TSTD2: variants seen among roughly 807,000 people sequenced by gnomAD.
The protein encoded by TSTD2 is thiosulfate sulfurtransferase/rhodanese-like domain-containing protein 2.
Under a neutral mutation model 47.9 loss-of-function variants are expected in TSTD2, and 37 were observed. The ratio of observed to expected loss-of-function variants is 0.77; its 90% CI spans 0.59 to 1.02. The LOEUF is 1.02. TSTD2 is among the 50% of genes least tolerant of loss of function. TSTD2 has a pLI of 0.00. For missense variants in TSTD2, 586 were observed against 616.0 expected, an observed-to-expected ratio of 0.95 and a Z score of 0.52; for synonymous variants, 201 against 215.9, an observed-to-expected ratio of 0.93 and a Z score of 0.61.
intron 1 of TSTD2, among the ~76,000 whole-genome samples, chr9:97,632,959 G>GAC (rs1416689643): frequency 6.6e-6 from 1 of 152,218 alleles, no homozygotes; most frequent in African/African-American, 2.4e-5. Flanking sequence ...CAGGGGAGGG[G>GAC]ACGCTCACAC....
chr9:97,600,686 T>TA lies in TSTD2; in HGVS notation c.*1782dup. 1 of 1,001,764 alleles carries TA rather than the reference T, an allele frequency of 1.0e-6. No individual in the cohort carries two copies. Among genetic ancestry groups the TA allele is most frequent in the Non-Finnish European group, 1.2e-6 (1 of 839,930 alleles). 62.1% of individuals were successfully genotyped at this position (1,001,764 alleles called of 1,614,324 possible). A position where few individuals can be genotyped will look rare whatever the true frequency, so the allele number is the denominator to read the frequency against. On this transcript the variant is annotated 3_prime_UTR_variant, in exon 10 of 10. Coordinates refer to ENST00000341170, the MANE Select transcript of TSTD2 (RefSeq NM_139246.5). ...AATTGCTGCTGACCTTACGCCTGTA[T>TA]ATTAAGCCTCCGCAGGATGCCGGAC...
intron 3 of TSTD2, among the ~76,000 whole-genome samples, chr9:97,622,077 A>G (rs1459095708): frequency 6.6e-6 from 1 of 152,084 alleles, no homozygotes; most frequent in East Asian, 1.9e-4. Flanking sequence ...ACTTAGAGAA[A>G]ATAGAAAAGA....
chr9:97,617,810 A>G lies in TSTD2; in HGVS notation c.550T>C (p.Trp184Arg). 6.2e-7 allele frequency: 1 copy of G among 1,614,196 alleles called. No individual in the cohort carries two copies. The highest frequency in any genetic ancestry group is 8.5e-7 in the Non-Finnish European group (1 of 1,180,022). Residue 184 changes from tryptophan (W) to arginine (R), a missense_variant, in exon 4 of 10, where the codon TGG becomes CGG. Trp to Arg is a moderately radical substitution (Grantham distance 101, BLOSUM62 -3). Transcript: ENST00000341170. Reference sequence around the variant, plus strand: ...AGAGCTGTCTGCCAGGCACAGATCCATTGGGGATCCTCCAGGTCATGGTAG... The same window carrying G: ...AGAGCTGTCTGCCAGGCACAGATCCGTTGGGGATCCTCCAGGTCATGGTAG... ...YCYHDLEDPQ[W>R]ICAWQTALCQ...
At chr9:97,607,809 CAGG>C (rs1202911288) in intron 6 of TSTD2, among the ~76,000 whole-genome samples, 2 of 152,034 alleles carry the variant, frequency 1.3e-5, no homozygotes, top group Non-Finnish European at 2.9e-5. Context: ...TAGGCTGAGG[CAGG>C]AGAACTACAC....
At chr9:97,622,313 G>A (rs1055016864) in intron 3 of TSTD2, among the ~76,000 whole-genome samples, 1 of 152,222 alleles carries the variant, frequency 6.6e-6, no homozygotes, top group African/African-American at 2.4e-5. Flanking sequence ...TCCAGGTGGT[G>A]TTGAGCCTGT....
intron 3 of TSTD2, among the ~76,000 whole-genome samples, chr9:97,622,609 C>T (rs1181496337): frequency 6.6e-6 from 1 of 152,256 alleles, no homozygotes; most frequent in Non-Finnish European, 1.5e-5. Context: ...GATGCAGACA[C>T]TCAACCCCAG....
chr9:97,627,127 A>C (rs1217505672), intron 2 of TSTD2, among the ~76,000 whole-genome samples: 1 of 151,938 alleles, frequency 6.6e-6, no homozygotes, highest in Non-Finnish European at 1.5e-5. Flanking sequence ...TTGGTTTTCA[A>C]CTTTGTTTAT....
At chr9:97,616,923 C>A (rs1826552338) in intron 4 of TSTD2, among the ~76,000 whole-genome samples, 1 of 152,200 alleles carries the variant, frequency 6.6e-6, no homozygotes, top group Non-Finnish European at 1.5e-5. Context: ...TATACATGCA[C>A]TTCTGGTTTT....
rs1409236913 is a variant in TSTD2, at chr9:97,601,385, G to C, written c.*1084C>G. 7.6e-6 allele frequency: 8 copies of C among 1,056,156 alleles called. No individual in the cohort carries two copies. Among genetic ancestry groups the C allele is most frequent in the African/African-American group, 1.7e-5 (1 of 58,540 alleles). 65.4% of individuals were successfully genotyped at this position (1,056,156 alleles called of 1,614,324 possible). On this transcript the variant is annotated 3_prime_UTR_variant, in exon 10 of 10. Transcript: ENST00000341170. ...GAATGTGTCATGTATTCCAGGTGCT[G>C]ATCTAAAAACTGTGGCTCAAATGTC...
At position 97,604,791 on chromosome 9, in the gene TSTD2, G is replaced by A. The variant is rs1193757166; in HGVS notation, c.1188C>T (p.Tyr396=). 6.2e-7 allele frequency: 1 copy of A among 1,614,068 alleles called. No individual in the cohort carries two copies. The highest frequency in any genetic ancestry group is 8.5e-7 in the Non-Finnish European group (1 of 1,180,050). Reference sequence around the variant, plus strand: ...CATCAAAAACAAACAACTTCCCTTTGTAAAAGCCATCAGGAAACTCTTCCA... The same window carrying A: ...CATCAAAAACAAACAACTTCCCTTTATAAAAGCCATCAGGAAACTCTTCCA... The part of the protein sequence containing the change: ...KYLEEFPDGF[Y]KGKLFVFDER... Residue 396 remains tyrosine, a synonymous_variant, in exon 9 of 10, where the codon TAC becomes TAT. Transcript: ENST00000341170.
chr9:97,606,274 CA>C lies in TSTD2; in HGVS notation c.836-14del. 4.7e-6 allele frequency: 7 copies of C among 1,501,420 alleles called. No homozygotes were observed. The highest frequency in any genetic ancestry group is 3.6e-6 in the Non-Finnish European group (4 of 1,101,990). 93.0% of individuals were successfully genotyped at this position (1,501,420 alleles called of 1,614,324 possible). ...GATAAATGGATTCCTAAAACCAAAC[CA>C]AAAAAATTATATTAAAACAAAGACA... On this transcript the variant is annotated splice_polypyrimidine_tract_variant and intron_variant, in intron 6 of 9. Transcript: ENST00000341170.
intron 1 of TSTD2, among the ~76,000 whole-genome samples, chr9:97,628,380 C>T (rs2131318767): frequency 6.6e-6 from 1 of 152,120 alleles, no homozygotes; most frequent in African/African-American, 2.4e-5. Context: ...CAGCAGTTTG[C>T]CAAGCATGTG....
rs972464689 is a variant in TSTD2 at position 97,601,749 on chromosome 9, T to C, written c.*720A>G. 3.6e-5 allele frequency: 8 copies of C among 219,992 alleles called. No individual in the cohort carries two copies. Among genetic ancestry groups the C allele is most frequent in the African/African-American group, 1.6e-4 (7 of 42,812 alleles). 13.6% of individuals were successfully genotyped at this position (219,992 alleles called of 1,614,324 possible). A position where few individuals can be genotyped will look rare whatever the true frequency, so the allele number is the denominator to read the frequency against. ...CTATACAGTTGACCCTTGAACAATA[T>C]GGGTTTGAACTGCATGGCTGCACTT... On this transcript the variant is annotated 3_prime_UTR_variant, in exon 10 of 10. Transcript: ENST00000341170.
rs781182659 is a variant in TSTD2 at position 97,602,725 on chromosome 9, CAG to C, written c.1293_1294del (p.Cys432LeufsTer44). 1.9e-6 allele frequency: 3 copies of C among 1,614,098 alleles called. No homozygotes were observed. The highest frequency in any genetic ancestry group is 1.7e-5 in the Admixed American group (1 of 60,020). ...GAGCTGGCGGCACTGGGGAGTAGAG[CAG>C]AGTTTATACTGGTCCCAGCGGGCTC... On this transcript the variant is annotated frameshift_variant, in exon 10 of 10. Transcript: ENST00000341170. LOFTEE classifies it low-confidence loss of function (END_TRUNC).
chr9:97,603,440 C>G (rs1252808550), intron 9 of TSTD2, among the ~76,000 whole-genome samples: 1 of 152,208 alleles, frequency 6.6e-6, no homozygotes, highest in Non-Finnish European at 1.5e-5. Context: ...GCCAATATAA[C>G]CTCTGTAAAA....
intron 6 of TSTD2, among the ~76,000 whole-genome samples, chr9:97,608,010 C>T (rs1564006514): frequency 6.6e-6 from 1 of 152,034 alleles, no homozygotes; most frequent in Non-Finnish European, 1.5e-5. Flanking sequence ...GGCGAAACCC[C>T]GTCTACTAAA....
At position 97,611,639 on chromosome 9, in the gene TSTD2, G is replaced by A. The variant is rs200295410; in HGVS notation, c.664C>T (p.Leu222Phe). 11 of 1,611,012 alleles carry A rather than the reference G, an allele frequency of 6.8e-6. No individual in the cohort carries two copies. Among genetic ancestry groups the A allele is most frequent in the Non-Finnish European group, 9.3e-6 (11 of 1,177,326 alleles). ...TVGGSKLATR[L>F]YVEVMLSFPL... The stretch of plus-strand genomic sequence containing the variant: ...AAGGAAAGCATGACTTCCACATAAA[G>A]TCTGGTAGCCAATTTGCTTCCACCA... The change falls in exon 5 of 10, where the codon CTT (leucine) becomes TTT (phenylalanine). Residue 222 changes from leucine to phenylalanine, a missense_variant. Leu to Phe is a conservative substitution (Grantham distance 22). Transcript: ENST00000341170.
At chr9:97,632,441 C>A (rs867310180) in intron 1 of TSTD2, among the ~76,000 whole-genome samples, 2 of 152,092 alleles carry the variant, frequency 1.3e-5, no homozygotes, top group East Asian at 3.9e-4. Flanking sequence ...GTGCGATCAC[C>A]GCTCACTGCA....
chr9:97,631,120 A>C (rs574986997), intron 1 of TSTD2, among the ~76,000 whole-genome samples: 1 of 152,274 alleles, frequency 6.6e-6, no homozygotes, highest in African/African-American at 2.4e-5. Context: ...TCACTTGTTC[A>C]GAAAATACTT....
Sources: allele counts gnomAD v4.1 joint callset (sites outside exome capture counted in the v4.1 genomes callset), GRCh38; gene constraint gnomAD v4.1.1; transcripts MANE v1.5; gene names NCBI Gene and HGNC (gene_info 2026-07-23, HGNC 2026-07-21).